The following CFL1 variants were observed in gnomAD, a reference collection of about 807,000 sequenced individuals.
CFL1 encodes cofilin-1.
In CFL1, 2 loss-of-function variants were observed where a neutral mutation model predicts 16.3. The observed-to-expected ratio is 0.12, with a 90% CI of 0.05 to 0.39. The LOEUF (loss-of-function observed/expected upper bound fraction) is 0.39. CFL1 is among the 10% of genes least tolerant of loss of function. The pLI, the probability that CFL1 is intolerant of heterozygous loss-of-function variation, is 0.99. For synonymous variants in CFL1, 111 were observed against 84.4 expected (o/e 1.31, Z -1.73); for missense variants, 75 against 212.2 (o/e 0.35, Z 4.02).
At chr11:65,855,888 A>C in intron 2 of CFL1, 47 bp downstream of exon 2, 1 of 1,580,634 alleles carries the variant, frequency 6.3e-7, no homozygotes, top group Non-Finnish European at 8.6e-7. Context: ...AGTTCCCATC[A>C]TGAGAAAGGG....
Position 65,857,196 on chromosome 11 carries a change from G to A in CFL1, c.3+901C>T, listed in dbSNP as rs964237507. The A allele has an allele frequency of 2.3e-5, 5 of 220,672 alleles. 1 individual carries two copies. The highest frequency in any genetic ancestry group is 9.5e-5 in the African/African-American group (4 of 41,960). 13.7% of individuals were successfully genotyped at this position (220,672 alleles called of 1,614,324 possible). A position where few individuals can be genotyped will look rare whatever the true frequency, so the allele number is the denominator to read the frequency against. On this transcript the variant is annotated intron_variant, in intron 1 of 3. Transcript: ENST00000308162. Reference sequence around the variant, plus strand: ...GTATCAGACCCATCTCCTGCAGGCAGGAGCCTGGGCAAGCTACATAACCTT... The same window carrying A: ...GTATCAGACCCATCTCCTGCAGGCAAGAGCCTGGGCAAGCTACATAACCTT...
In CFL1 at chr11:65,856,228, A is replaced by G. The variant is rs1422474654; in HGVS notation, c.18T>C (p.Ala6=). The change falls in exon 2 of 4, where the codon GCT becomes GCC. Residue 6 remains alanine, a synonymous_variant. Coordinates refer to ENST00000308162, the MANE Select transcript of CFL1 (RefSeq NM_005507.3). ...ACACCTTGATGACACCATCAGAGAC[A>G]GCCACACCGGAGGCCTAGGAGACAT... MASGV[A]VSDGVIKVFN... 1 of 1,613,628 alleles carries G rather than the reference A, an allele frequency of 6.2e-7. No homozygotes were observed. Among genetic ancestry groups the G allele is most frequent in the Non-Finnish European group, 8.5e-7 (1 of 1,179,514 alleles).
chr11:65,855,479 C>T, intron 3 of CFL1, 31 bp from the exon 4 acceptor site: 1 of 1,604,560 alleles, frequency 6.2e-7, no homozygotes, highest in East Asian at 2.2e-5. Context: ...CATCTGTGAG[C>T]AGGAAGCACT....
chr11:65,855,923 G>A lies in CFL1; in HGVS notation c.311+12C>T. 6.2e-7 allele frequency: 1 copy of A among 1,604,680 alleles called. No individual in the cohort carries two copies. Among genetic ancestry groups the A allele is most frequent in the Non-Finnish European group, 8.5e-7 (1 of 1,172,330 alleles). ...GGGCAGGTGACAGGAAGAAGTGCCA[G>A]AATGAGCTCACCAGAAGATAAACAC... is the stretch of plus-strand genomic sequence containing the variant. On this transcript the variant is annotated intron_variant, in intron 2 of 3. Transcript: ENST00000308162.
chr11:65,855,299 G>A lies in CFL1; in HGVS notation c.*37C>T. 1.3e-6 allele frequency: 2 copies of A among 1,545,324 alleles called. No homozygotes were observed. The highest frequency in any genetic ancestry group is 3.3e-5 in the Admixed American group (2 of 59,888). On this transcript the variant is annotated 3_prime_UTR_variant, in exon 4 of 4. Coordinates refer to ENST00000308162, the MANE Select transcript of CFL1 (RefSeq NM_005507.3). ...CTGCAACCCCCAAGGGCAGGTGTGGGGCTGCCAGATGCTCCAGGCAGGGGG... is the reference window on the plus strand; with the variant it reads ...CTGCAACCCCCAAGGGCAGGTGTGGAGCTGCCAGATGCTCCAGGCAGGGGG...
rs754853368 is a variant in CFL1, at chr11:65,858,129, G to C, written c.-30C>G. The stretch of plus-strand genomic sequence containing the variant: ...CCGGAAACGAAAAGGAGAGGGCACC[G>C]AGAGCCGCAGAAGACGAGAGCGCTG... On this transcript the variant is annotated 5_prime_UTR_variant, in exon 1 of 4. Coordinates refer to ENST00000308162, the MANE Select transcript of CFL1 (RefSeq NM_005507.3). 3.3e-5 allele frequency: 51 copies of C among 1,522,828 alleles called. No individual in the cohort carries two copies. The highest frequency in any genetic ancestry group is 5.4e-5 in the East Asian group (2 of 37,296). The allele number at this position is 1,522,828 out of a possible 1,614,324, so 94.3% of individuals were successfully genotyped here.
At chr11:65,857,431 G>T in intron 1 of CFL1, 1 of 436,302 alleles carries the variant, frequency 2.3e-6, no homozygotes, top group Non-Finnish European at 4.7e-6. Context: ...CCGATGCACG[G>T]GTGAGAACGC....
Position 65,858,163 on chromosome 11 carries a change from G to A in CFL1, c.-64C>T, listed in dbSNP as rs1032848367. The A allele has an allele frequency of 4.7e-6, 7 of 1,501,328 alleles. No homozygotes were observed. The South Asian group carries it at 5.0e-5, about 11-fold the overall frequency. 93.0% of individuals were successfully genotyped at this position (1,501,328 alleles called of 1,614,324 possible). ...AGAAGACGAGAGCGCTGCAGCCGCT[G>A]CCGGGACCCGACTGAACGCGGCCTC... On this transcript the variant is annotated 5_prime_UTR_variant, in exon 1 of 4. Transcript: ENST00000308162.
At position 65,856,284 on chromosome 11, in the gene CFL1, G is replaced by A. The variant is rs758663162; in HGVS notation, c.4-42C>T. 7 of 1,577,906 alleles carry A rather than the reference G, an allele frequency of 4.4e-6. No individual in the cohort carries two copies. The African/African-American group carries it at 6.8e-5, about 15-fold the overall frequency. ...GTATACGTCAAGAAAAGGATTCTAGGGAACTGCCCCTTGTTTTTTCAGAAG... is the reference window on the plus strand; with the variant it reads ...GTATACGTCAAGAAAAGGATTCTAGAGAACTGCCCCTTGTTTTTTCAGAAG... On this transcript the variant is annotated intron_variant, in intron 1 of 3. Transcript: ENST00000308162.
chr11:65,854,858 C>T lies in CFL1; in HGVS notation c.*478G>A, dbSNP rs1859348808. 1 of 154,168 alleles carries T rather than the reference C, an allele frequency of 6.5e-6. No homozygotes were observed. Among genetic ancestry groups the T allele is most frequent in the Non-Finnish European group, 1.4e-5 (1 of 69,190 alleles). 9.6% of individuals were successfully genotyped at this position (154,168 alleles called of 1,614,324 possible). A position where few individuals can be genotyped will look rare whatever the true frequency, so the allele number is the denominator to read the frequency against. On this transcript the variant is annotated 3_prime_UTR_variant, in exon 4 of 4. Transcript: ENST00000308162. ...TTTTAATCGAAGGTCCCTTACTGGT[C>T]CTGCTTCCATGAGTAGCCGTGACCA...
chr11:65,855,650 TTA>T lies in CFL1; in HGVS notation c.388+2_388+3del, dbSNP rs1565259036. ...GGGCACTCAGCACCAATGCTGGCCCTTACCTGTCAGCTTCTTCTTGATGGCGT... is the reference window on the plus strand; with the variant it reads ...GGGCACTCAGCACCAATGCTGGCCCTCCTGTCAGCTTCTTCTTGATGGCGT... On this transcript the variant is annotated splice_donor_variant and splice_donor_region_variant and intron_variant, in intron 3 of 3. Coordinates refer to ENST00000308162, the MANE Select transcript of CFL1 (RefSeq NM_005507.3). LOFTEE classifies it high-confidence loss of function. 1 of 1,567,246 alleles carries T rather than the reference TTA, an allele frequency of 6.4e-7. No homozygotes were observed.
Position 65,858,110 on chromosome 11 carries a change from AC to A in CFL1, c.-12del. The A allele has an allele frequency of 6.5e-7, 1 of 1,532,848 alleles. No individual in the cohort carries two copies. The highest frequency in any genetic ancestry group is 1.2e-5 in the South Asian group (1 of 82,284). 95.0% of individuals were successfully genotyped at this position (1,532,848 alleles called of 1,614,324 possible). On this transcript the variant is annotated 5_prime_UTR_variant, in exon 1 of 4. Coordinates refer to ENST00000308162, the MANE Select transcript of CFL1 (RefSeq NM_005507.3). Reference sequence around the variant, plus strand: ...CCTGCCGCTCACCATGTTTCCGGAAACGAAAAGGAGAGGGCACCGAGAGCCG... The same window carrying A: ...CCTGCCGCTCACCATGTTTCCGGAAAGAAAAGGAGAGGGCACCGAGAGCCG...
rs1280917734 is a variant in CFL1, at chr11:65,858,161, C to T, written c.-62G>A. On this transcript the variant is annotated 5_prime_UTR_variant, in exon 1 of 4. Coordinates refer to ENST00000308162, the MANE Select transcript of CFL1 (RefSeq NM_005507.3). The stretch of plus-strand genomic sequence containing the variant: ...GCAGAAGACGAGAGCGCTGCAGCCG[C>T]TGCCGGGACCCGACTGAACGCGGCC... 6.6e-7 allele frequency: 1 copy of T among 1,504,204 alleles called. No individual in the cohort carries two copies. The highest frequency in any genetic ancestry group is 8.9e-7 in the Non-Finnish European group (1 of 1,123,994). 93.2% of individuals were successfully genotyped at this position (1,504,204 alleles called of 1,614,324 possible). A position where few individuals can be genotyped will look rare whatever the true frequency, so the allele number is the denominator to read the frequency against.
Position 65,858,121 on chromosome 11 carries a change from A to T in CFL1, c.-22T>A. ...CCATGTTTCCGGAAACGAAAAGGAG[A>T]GGGCACCGAGAGCCGCAGAAGACGA... On this transcript the variant is annotated 5_prime_UTR_variant, in exon 1 of 4. Coordinates refer to ENST00000308162, the MANE Select transcript of CFL1 (RefSeq NM_005507.3). The T allele has an allele frequency of 6.6e-7, 1 of 1,524,690 alleles. No individual in the cohort carries two copies. Among genetic ancestry groups the T allele is most frequent in the Non-Finnish European group, 8.8e-7 (1 of 1,136,154 alleles). The allele number at this position is 1,524,690 out of a possible 1,614,324, so 94.4% of individuals were successfully genotyped here.
intron 1 of CFL1, 67 bp downstream of exon 1, chr11:65,858,030 G>A (rs886440658): frequency 1.1e-5 from 17 of 1,503,608 alleles, no homozygotes; most frequent in Admixed American, 6.2e-5. Context: ...TCGCTCCCCA[G>A]TCGCTTCCCG....
intron 1 of CFL1, chr11:65,857,384 C>A: frequency 2.4e-6 from 1 of 421,482 alleles, no homozygotes; most frequent in Non-Finnish European, 4.8e-6. Flanking sequence ...TGAGCGTGCG[C>A]GCACGCGCCG....
rs1859371313 is a variant in CFL1, at chr11:65,855,576, C to A, written c.388+78G>T. 4.5e-6 allele frequency: 7 copies of A among 1,546,894 alleles called. No homozygotes were observed. In the East Asian group the frequency reaches 1.1e-4, roughly 25 times the overall value. On this transcript the variant is annotated intron_variant, in intron 3 of 3. Transcript: ENST00000308162. ...AGGCAGCGAAGACAAGGGGGCAGAC[C>A]CCCTCTGCGTGCCATTCACCCTGCC...
At chr11:65,857,948 A>T in intron 1 of CFL1, 149 bp downstream of exon 1, 9 of 766,614 alleles carry the variant, frequency 1.2e-5, no homozygotes, top group Admixed American at 4.4e-5. Flanking sequence ...GCGCACGCGC[A>T]TTCCGGCACC....
Position 65,854,903 on chromosome 11 carries a change from C to G in CFL1, c.*433G>C, listed in dbSNP as rs1859350708. 1 of 157,602 alleles carries G rather than the reference C, an allele frequency of 6.3e-6. No individual in the cohort carries two copies. The highest frequency in any genetic ancestry group is 6.4e-5 in the Admixed American group (1 of 15,620). The allele number at this position is 157,602 out of a possible 1,614,324, so 9.8% of individuals were successfully genotyped here. ...TGACCAGGGGAAAAGGGAGAGGAAC[C>G]AGCCGGCACAGGGAGGGGTCATCTC... On this transcript the variant is annotated 3_prime_UTR_variant, in exon 4 of 4. Coordinates refer to ENST00000308162, the MANE Select transcript of CFL1 (RefSeq NM_005507.3).
Sources: allele counts gnomAD v4.1 joint callset, GRCh38; gene constraint gnomAD v4.1.1; transcripts MANE v1.5; gene names NCBI Gene and HGNC (gene_info 2026-07-23, HGNC 2026-07-21).